Variants in MTMR10 observed in about 807,000 individuals in gnomAD.
MTMR10 encodes myotubularin-related protein 10.
MTMR10 carries 56 observed loss-of-function variants against 88.1 expected under a neutral mutation model. That is an observed-to-expected ratio of 0.64 (90% CI 0.51 to 0.79). The LOEUF is 0.79. Among genes scored for constraint, MTMR10 ranks in the 30% least tolerant of loss-of-function variants. MTMR10 has a pLI of 0.00. For missense variants in MTMR10, 883 were observed against 924.7 expected (o/e 0.95, Z 0.58); for synonymous variants, 380 against 340.9 (o/e 1.11, Z -1.26).
At chr15:30,924,796 C>G in the MTMR10 span, among the ~76,000 whole-genome samples, 2 of 152,116 alleles carry the variant, frequency 1.3e-5, no homozygotes, top group African/African-American at 4.8e-5. Flanking sequence ...AGGTGATGTC[C>G]TGAGAACCAC....
At position 30,939,449 on chromosome 15, in the gene MTMR10, C is replaced by T. The variant is rs915557354; in HGVS notation, c.*2021G>A. On this transcript the variant is annotated 3_prime_UTR_variant, in exon 16 of 16. Transcript: ENST00000435680. ...TGGTATAAGCAGCTTCACCCTGGCC[C>T]GACTGAAGGCTGTCATAGTTGTTTT... 1.5e-5 allele frequency: 15 copies of T among 985,224 alleles called. No homozygotes were observed. The highest frequency in any genetic ancestry group is 5.2e-4 in the Middle Eastern group (1 of 1,934). 61.0% of individuals were successfully genotyped at this position (985,224 alleles called of 1,614,324 possible). A position where few individuals can be genotyped will look rare whatever the true frequency, so the allele number is the denominator to read the frequency against.
At chr15:30,920,490 G>A in the MTMR10 span, 1 of 1,097,486 alleles carries the variant, frequency 9.1e-7, no homozygotes, top group Non-Finnish European at 1.4e-6. Context: ...TGTTATTATT[G>A]TCTTATAATA....
intron 13 of MTMR10, among the ~76,000 whole-genome samples, chr15:30,947,721 T>C (rs1160084571): frequency 6.6e-6 from 1 of 152,208 alleles, no homozygotes; most frequent in Non-Finnish European, 1.5e-5. Flanking sequence ...GAAAACACTT[T>C]GGGATGAGCC....
chr15:30,926,875 G>A, the MTMR10 span: 2 of 985,392 alleles, frequency 2.0e-6, no homozygotes, highest in South Asian at 9.4e-5. Context: ...CGTGAAACTG[G>A]GCTGAACTCT....
Position 30,941,077 on chromosome 15 carries a change from A to AGAT in MTMR10, c.*390_*392dup. 1 of 1,208,838 alleles carries AGAT rather than the reference A, an allele frequency of 8.3e-7. No individual in the cohort carries two copies. Among genetic ancestry groups the AGAT allele is most frequent in the East Asian group, 5.9e-5 (1 of 16,898 alleles). The allele number at this position is 1,208,838 out of a possible 1,614,324, so 74.9% of individuals were successfully genotyped here. ...CCTAAAACCTGCTGGAGGTTTTATC[A>AGAT]GATGCTCCTAAAAATGACACGAAAC... On this transcript the variant is annotated 3_prime_UTR_variant, in exon 16 of 16. Transcript: ENST00000435680.
In MTMR10 at chr15:30,961,075, T is replaced by C; in HGVS notation, c.566-2A>G. The C allele has an allele frequency of 6.5e-7, 1 of 1,543,542 alleles. No individual in the cohort carries two copies. Among genetic ancestry groups the C allele is most frequent in the Non-Finnish European group, 8.7e-7 (1 of 1,143,736 alleles). On this transcript the variant is annotated splice_acceptor_variant, in intron 6 of 15. Coordinates refer to ENST00000435680, the MANE Select transcript of MTMR10 (RefSeq NM_017762.3). LOFTEE classifies it high-confidence loss of function. ...AGGGAATTCCATTAATTTTGTTTGC[T>C]GTAGGAAAAAGCAACATTATGAATT...
At chr15:30,991,109 T>C in intron 1 of MTMR10, 1 of 518,844 alleles carries the variant, frequency 1.9e-6, no homozygotes, top group African/African-American at 2.0e-5. Context: ...CCCCAAGCGC[T>C]GCAATCATGC....
Position 30,942,896 on chromosome 15 carries a change from C to T in MTMR10, c.1725G>A (p.Arg575=). ...IQNGSVKSFK[R]TKKSYSSTLR... is the part of the protein sequence containing the mutation. ...TTTGTTAGCTGTGATTTACCTTTGTCCGTTTAAAAGACTTCACGGAGCCAT... is the reference window on the plus strand; with the variant it reads ...TTTGTTAGCTGTGATTTACCTTTGTTCGTTTAAAAGACTTCACGGAGCCAT... The change falls in exon 15 of 16, where the codon CGG becomes CGA. Residue 575 remains arginine, a synonymous_variant. Transcript: ENST00000435680. 6.4e-7 allele frequency: 1 copy of T among 1,560,790 alleles called. No individual in the cohort carries two copies. The highest frequency in any genetic ancestry group is 8.7e-7 in the Non-Finnish European group (1 of 1,151,490).
At chr15:30,985,922 G>A (rs2030909720) in intron 2 of MTMR10, among the ~76,000 whole-genome samples, 1 of 152,160 alleles carries the variant, frequency 6.6e-6, no homozygotes, top group Non-Finnish European at 1.5e-5. Flanking sequence ...GCAGTCCAGG[G>A]TGGGTTATTA....
intron 10 of MTMR10, among the ~76,000 whole-genome samples, chr15:30,954,029 C>A (rs942883459): frequency 2.0e-5 from 3 of 152,248 alleles, no homozygotes; most frequent in Non-Finnish European, 2.9e-5. Flanking sequence ...CCTGCCCCAC[C>A]CCTGCTGCCA....
At chr15:30,963,447 G>T (rs964301835) in intron 6 of MTMR10, among the ~76,000 whole-genome samples, 1 of 151,918 alleles carries the variant, frequency 6.6e-6, no homozygotes, top group Non-Finnish European at 1.5e-5. Context: ...TGGCTAACAC[G>T]GTGAAACCCT....
downstream of MTMR10, among the ~76,000 whole-genome samples, chr15:30,935,478 ACAAAT>A (rs1235744369): frequency 7.2e-5 from 11 of 151,864 alleles, no homozygotes; most frequent in Non-Finnish European, 1.2e-4. Flanking sequence ...ACAACAATAA[ACAAAT>A]CAAATAAAAA....
chr15:30,991,409 A>T, intron 1 of MTMR10, 38 bp downstream of exon 1: 1 of 1,450,218 alleles, frequency 6.9e-7, no homozygotes. Flanking sequence ...ACGGAAGCGC[A>T]GAGGAGAGTC....
chr15:30,990,431 T>C (rs1379826656), intron 2 of MTMR10, among the ~76,000 whole-genome samples: 2 of 152,214 alleles, frequency 1.3e-5, no homozygotes, highest in Non-Finnish European at 2.9e-5. Context: ...AGCTCTGTTA[T>C]TGGTATAGAG....
At chr15:30,944,435 G>A (rs537980159) in intron 14 of MTMR10, among the ~76,000 whole-genome samples, 344 of 151,574 alleles carry the variant, frequency 2.3e-3, no homozygotes, top group African/African-American at 7.9e-3. Flanking sequence ...GCATGGTGGT[G>A]TGCACCTGTA....
chr15:30,925,224 C>A, the MTMR10 span: 1 of 1,613,998 alleles, frequency 6.2e-7, no homozygotes, highest in Non-Finnish European at 8.5e-7. Context: ...CGAGAGTCTC[C>A]GAGCTGTAAA....
intron 5 of MTMR10, among the ~76,000 whole-genome samples, chr15:30,969,089 A>G (rs1399698709): frequency 6.6e-6 from 1 of 152,194 alleles, no homozygotes; most frequent in Non-Finnish European, 1.5e-5. Context: ...TTGTTAGTTC[A>G]TGTCAAATTA....
chr15:30,939,111 CTACTGCAGCAAGCAGA>C lies in MTMR10; in HGVS notation c.*2343_*2358del. On this transcript the variant is annotated 3_prime_UTR_variant, in exon 16 of 16. Transcript: ENST00000435680. The stretch of plus-strand genomic sequence containing the variant: ...ATCAAGTTTTAACCACTTGAGGTTA[CTACTGCAGCAAGCAGA>C]TTTTGTTGACAAATGTGAACAGCTT... The C allele has an allele frequency of 1.0e-6, 1 of 985,438 alleles. No homozygotes were observed. Among genetic ancestry groups the C allele is most frequent in the African/African-American group, 1.7e-5 (1 of 57,372 alleles). The allele number at this position is 985,438 out of a possible 1,614,324, so 61.0% of individuals were successfully genotyped here.
chr15:30,961,273 GC>G (rs1324795355), intron 6 of MTMR10, among the ~76,000 whole-genome samples, 200 bp from the exon 7 acceptor site: 2 of 148,432 alleles, frequency 1.3e-5, no homozygotes, highest in Non-Finnish European at 3.0e-5. Flanking sequence ...TCGTTCTGTC[GC>G]CCAGGCTGGA....
Sources: gnomAD v4.1 joint callset for allele counts (sites outside exome capture counted in the v4.1 genomes callset) on GRCh38, gnomAD v4.1.1 for gene constraint, MANE v1.5 for transcripts, NCBI Gene and HGNC (gene_info 2026-07-23, HGNC 2026-07-21) for gene names.